The following AGBL4 variants were observed in gnomAD, a reference collection of about 807,000 sequenced individuals.
AGBL4 encodes cytosolic carboxypeptidase 6.
A neutral mutation model predicts 66.4 loss-of-function variants in AGBL4; 58 were observed. That is an observed-to-expected ratio of 0.87 (90% CI 0.71 to 1.09). The LOEUF (loss-of-function observed/expected upper bound fraction) is 1.09. Ranked by LOEUF, AGBL4 falls within the 50% of genes least tolerant of loss-of-function variation. The pLI is 0.00. For synonymous variants in AGBL4, 234 were observed against 222.9 expected (o/e 1.05, Z -0.44); for missense variants, 579 against 631.0 (o/e 0.92, Z 0.88).
intron 3 of AGBL4, among the ~76,000 whole-genome samples, chr1:49,301,210 G>A (rs1644738670): frequency 2.0e-5 from 3 of 152,220 alleles, no homozygotes; most frequent in African/African-American, 7.2e-5. Flanking sequence ...ATTCTGGGCT[G>A]TGGGACAATT....
At chr1:48,898,046 C>T (rs1397359604) in intron 5 of AGBL4, among the ~76,000 whole-genome samples, 1 of 152,104 alleles carries the variant, frequency 6.6e-6, no homozygotes, top group Non-Finnish European at 1.5e-5. Context: ...CTCTTGACCT[C>T]ATGATCTGCC....
At chr1:48,825,733 T>C (rs549292998) in intron 6 of AGBL4, among the ~76,000 whole-genome samples, 1 of 152,290 alleles carries the variant, frequency 6.6e-6, no homozygotes, top group Admixed American at 6.5e-5. Flanking sequence ...AAATGCATCA[T>C]ATATGCAAGT....
intron 2 of AGBL4, chr1:49,845,921 T>A (rs1571701480): frequency 6.2e-6 from 9 of 1,457,712 alleles, no homozygotes; most frequent in Non-Finnish European, 8.7e-6. Flanking sequence ...GCCCTACAAA[T>A]GCAATGACTG....
intron 5 of AGBL4, among the ~76,000 whole-genome samples, chr1:48,886,375 T>C (rs1228617221): frequency 6.6e-6 from 1 of 152,106 alleles, no homozygotes; most frequent in Non-Finnish European, 1.5e-5. Flanking sequence ...TACCTGGATA[T>C]CCAGCTCTAC....
At chr1:49,960,157 C>T (rs183957744) in intron 1 of AGBL4, among the ~76,000 whole-genome samples, 1 of 152,098 alleles carries the variant, frequency 6.6e-6, no homozygotes, top group African/African-American at 2.4e-5. Flanking sequence ...ACATGTACCC[C>T]TGAACCTAAA....
chr1:48,717,654 TA>T (rs982256154), intron 6 of AGBL4, among the ~76,000 whole-genome samples: 2 of 152,206 alleles, frequency 1.3e-5, no homozygotes, highest in African/African-American at 2.4e-5. Flanking sequence ...TTGAAATGGC[TA>T]GAATCCAACC....
At chr1:48,631,299 T>A (rs950304337) in intron 9 of AGBL4, among the ~76,000 whole-genome samples, 1 of 152,326 alleles carries the variant, frequency 6.6e-6, no homozygotes, top group African/African-American at 2.4e-5. Context: ...GGCACAAAGA[T>A]GTCTGAAGTC....
At chr1:48,982,304 T>C (rs1224651706) in intron 5 of AGBL4, among the ~76,000 whole-genome samples, 1 of 152,196 alleles carries the variant, frequency 6.6e-6, no homozygotes, top group Admixed American at 6.5e-5. Context: ...CATTAACTCG[T>C]CATTTAACAT....
chr1:48,752,033 T>A (rs1651821151), intron 6 of AGBL4, among the ~76,000 whole-genome samples: 1 of 152,204 alleles, frequency 6.6e-6, no homozygotes, highest in South Asian at 2.1e-4. Flanking sequence ...CTAGGTCTCT[T>A]CCTGCCATCT....
chr1:49,503,086 G>C (rs1198544319), intron 3 of AGBL4, among the ~76,000 whole-genome samples: 1 of 152,026 alleles, frequency 6.6e-6, no homozygotes, highest in Non-Finnish European at 1.5e-5. Flanking sequence ...TCTTGGGCTG[G>C]TTCCAGGGCC....
At chr1:49,236,426 A>G (rs897794942) in intron 4 of AGBL4, among the ~76,000 whole-genome samples, 1 of 152,176 alleles carries the variant, frequency 6.6e-6, no homozygotes, top group Non-Finnish European at 1.5e-5. Context: ...ATCTCTGGGA[A>G]GTCTCAGATC....
In AGBL4 at chr1:49,216,559, G is replaced by A. The variant is rs891675099; in HGVS notation, c.377+29211C>T. ...TTGCTTGGGATAATGGCCTCCAGCC[G>A]CAACCATGTTGCTGCACAGGGCATG... On this transcript the variant is annotated intron_variant, in intron 4 of 13. Coordinates refer to ENST00000371839, the MANE Select transcript of AGBL4 (RefSeq NM_032785.4). Among the ~76,000 whole-genome samples, 13 of 152,166 alleles carry A rather than the reference G, an allele frequency of 8.5e-5. No individual in the cohort carries two copies. The South Asian group carries it at 1.5e-3, about 17-fold the overall frequency.
intron 4 of AGBL4, among the ~76,000 whole-genome samples, chr1:49,064,378 T>C (rs1157043804): frequency 2.0e-5 from 3 of 152,190 alleles, no homozygotes; most frequent in African/African-American, 4.8e-5. Context: ...GCAAATCAGA[T>C]AGGCTCTCCA....
chr1:49,710,798 A>C (rs1414910702), intron 2 of AGBL4, among the ~76,000 whole-genome samples: 1 of 151,902 alleles, frequency 6.6e-6, no homozygotes, highest in African/African-American at 2.4e-5. Flanking sequence ...TAAGAAATGA[A>C]AAACAAAGAC....
chr1:48,994,648 T>C (rs915687216), intron 5 of AGBL4, among the ~76,000 whole-genome samples: 9 of 152,136 alleles, frequency 5.9e-5, no homozygotes, highest in African/African-American at 1.9e-4. Context: ...GTCATAAACA[T>C]TTATTTATAC....
At position 48,977,413 on chromosome 1, in the gene AGBL4, T is replaced by C. The variant is rs371032428; in HGVS notation, c.594+68171A>G. ...TTGGGAAACCGAAAGTTTGGGGTGTTCTCTGACAAGAGATAATGTATGCTT... is the reference window on the plus strand; with the variant it reads ...TTGGGAAACCGAAAGTTTGGGGTGTCCTCTGACAAGAGATAATGTATGCTT... On this transcript the variant is annotated intron_variant, in intron 5 of 13. Coordinates refer to ENST00000371839, the MANE Select transcript of AGBL4 (RefSeq NM_032785.4). Among the ~76,000 whole-genome samples the C allele has an allele frequency of 3.3e-5, 5 of 152,254 alleles. No individual in the cohort carries two copies. The East Asian group carries it at 9.7e-4, about 29-fold the overall frequency.
intron 3 of AGBL4, among the ~76,000 whole-genome samples, chr1:49,326,169 G>A (rs1249172198): frequency 6.6e-6 from 1 of 151,974 alleles, no homozygotes; most frequent in Non-Finnish European, 1.5e-5. Context: ...CTTTCTTGTG[G>A]TCCAGGTCTG....
intron 4 of AGBL4, among the ~76,000 whole-genome samples, chr1:49,232,547 A>C (rs1465677021): frequency 6.6e-6 from 1 of 152,008 alleles, no homozygotes; most frequent in East Asian, 1.9e-4. Flanking sequence ...AAATACAAAA[A>C]AATTAGCTGG....
At chr1:49,102,230 C>T (rs1345705550) in intron 4 of AGBL4, among the ~76,000 whole-genome samples, 4 of 152,028 alleles carry the variant, frequency 2.6e-5, no homozygotes, top group Non-Finnish European at 5.9e-5. Context: ...TTCCCATGGC[C>T]GCCTTCTTCT....
Sources: allele counts gnomAD v4.1 joint callset (sites outside exome capture counted in the v4.1 genomes callset), GRCh38; gene constraint gnomAD v4.1.1; transcripts MANE v1.5; gene names NCBI Gene and HGNC (gene_info 2026-07-23, HGNC 2026-07-21).